PRDM13: variants seen among roughly 807,000 people sequenced by gnomAD.
PRDM13 encodes PR domain zinc finger protein 13.
In PRDM13, 15 loss-of-function variants were observed where a neutral mutation model predicts 36.4. The observed-to-expected ratio is 0.41, with a 90% CI of 0.28 to 0.64. PRDM13 has a LOEUF of 0.64. Ranked by LOEUF, PRDM13 falls within the 30% of genes least tolerant of loss-of-function variation. The pLI is 0.29. For missense variants in PRDM13, 1,044 were observed against 1,013.5 expected (o/e 1.03, Z -0.41); for synonymous variants, 531 against 467.7 (o/e 1.14, Z -1.75).
Position 99,613,897 on chromosome 6 carries a change from C to A in PRDM13, c.1262C>A (p.Ala421Glu). 1 of 1,565,168 alleles carries A rather than the reference C, an allele frequency of 6.4e-7. No homozygotes were observed. Among genetic ancestry groups the A allele is most frequent in the Non-Finnish European group, 8.6e-7 (1 of 1,163,542 alleles). ...AAAALPGARY[A>E]QLPPAPGLPL... is the part of the protein sequence containing the mutation. ...GCCGCGCTGCCAGGAGCGCGTTATGCGCAGCTGCCCCCTGCGCCGGGGTTG... is the reference window on the plus strand; with the variant it reads ...GCCGCGCTGCCAGGAGCGCGTTATGAGCAGCTGCCCCCTGCGCCGGGGTTG... Residue 421 changes from alanine to glutamate, a missense_variant, in exon 4 of 4, where the codon GCG (alanine) becomes GAG (glutamate). This residue lies in a region of PRDM13 where 921 missense variants were observed against 865.2 expected (regional missense o/e 1.06). Coordinates refer to ENST00000369215, the MANE Select transcript of PRDM13 (RefSeq NM_021620.4). The surrounding 1 kb of genome is among the most constrained non-coding windows in gnomAD (Gnocchi z 6.1).
chr6:99,608,694 G>T (rs1769988094), intron 1 of PRDM13, 47 bp from the exon 2 acceptor site: 1 of 1,556,000 alleles, frequency 6.4e-7, no homozygotes, highest in Non-Finnish European at 8.7e-7. Flanking sequence ...TTTGGGTTGT[G>T]GGCCTGGCCA....
At position 99,609,065 on chromosome 6, in the gene PRDM13, G is replaced by A. The variant is rs1769994848; in HGVS notation, c.277-122G>A. ...GGATGACGGAAGTGAGGTTCAGAGA[G>A]CTCCAGTAGCTTCTCCAGGGTCACA... On this transcript the variant is annotated intron_variant, in intron 2 of 3. Coordinates refer to ENST00000369215, the MANE Select transcript of PRDM13 (RefSeq NM_021620.4). The A allele has an allele frequency of 3.5e-6, 5 of 1,409,442 alleles. No homozygotes were observed. In the African/African-American group the frequency reaches 5.8e-5, roughly 16 times the overall value. 87.3% of individuals were successfully genotyped at this position (1,409,442 alleles called of 1,614,324 possible). A position where few individuals can be genotyped will look rare whatever the true frequency, so the allele number is the denominator to read the frequency against.
chr6:99,609,128 T>G, intron 2 of PRDM13, 59 bp from the exon 3 acceptor site: 1 of 1,586,566 alleles, frequency 6.3e-7, no homozygotes, highest in Non-Finnish European at 8.6e-7. Context: ...TCTTCTCAGT[T>G]GCTTTTTGAC....
intron 1 of PRDM13, among the ~76,000 whole-genome samples, chr6:99,608,330 T>G (rs1769981089): frequency 6.6e-6 from 1 of 152,110 alleles, no homozygotes; most frequent in Admixed American, 6.5e-5. Context: ...ATTTTTTTGT[T>G]TGTTTGTCGG....
At chr6:99,612,889 A>G in intron 3 of PRDM13, 144 bp from the exon 4 acceptor site, 2 of 1,450,940 alleles carry the variant, frequency 1.4e-6, no homozygotes, top group Non-Finnish European at 1.8e-6. Flanking sequence ...GGTCCTCGAT[A>G]CAGTAGGGCT....
At position 99,608,863 on chromosome 6, in the gene PRDM13, C is replaced by T. The variant is rs1769991448; in HGVS notation, c.267C>T (p.Pro89=). ...CTCTGGAAGCTATTGCAGACTTACC[C>T]GGAGGACAGGTACTGCGGGCTTCTC... ...EQTLEAIADL[P]GGQIFYRALR... is the part of the protein sequence containing the mutation. Residue 89 remains proline (P), a synonymous_variant, in exon 2 of 4, where the codon CCC becomes CCT. Transcript: ENST00000369215. 2 of 1,612,704 alleles carry T rather than the reference C, an allele frequency of 1.2e-6. No homozygotes were observed. The highest frequency in any genetic ancestry group is 1.1e-5 in the South Asian group (1 of 90,864).
intron 1 of PRDM13, 116 bp from the exon 2 acceptor site, chr6:99,608,625 G>C: frequency 7.0e-7 from 1 of 1,422,132 alleles, no homozygotes; most frequent in Non-Finnish European, 9.4e-7. Flanking sequence ...ATAGTGGTCT[G>C]GCCAAACCAA....
At position 99,609,293 on chromosome 6, in the gene PRDM13, C is replaced by G. The variant is rs1371934683; in HGVS notation, c.383C>G (p.Thr128Ser). 1 of 1,614,122 alleles carries G rather than the reference C, an allele frequency of 6.2e-7. No homozygotes were observed. The part of the protein sequence containing the change: ...WFDIPTTATP[T>S]HDEKGEERYI... ...GACATCCCCACCACAGCGACTCCGACTCACGACGAGAAAGGTACCCATTCC... is the reference window on the plus strand; with the variant it reads ...GACATCCCCACCACAGCGACTCCGAGTCACGACGAGAAAGGTACCCATTCC... The change falls in exon 3 of 4, where the codon ACT becomes AGT. Residue 128 changes from threonine (T) to serine (S), a missense_variant. Physicochemically the swap from Thr to Ser is moderately conservative, Grantham distance 58. This residue lies in a region of PRDM13 where 921 missense variants were observed against 865.2 expected (regional missense o/e 1.06). Coordinates refer to ENST00000369215, the MANE Select transcript of PRDM13 (RefSeq NM_021620.4).
chr6:99,610,849 C>T (rs12194350), intron 3 of PRDM13, among the ~76,000 whole-genome samples: 20,740 of 152,194 alleles, frequency 0.14, 1,493 homozygotes, highest in Middle Eastern at 0.18. Context: ...AGTACAAAAG[C>T]AACTGGAATA....
intron 3 of PRDM13, among the ~76,000 whole-genome samples, chr6:99,609,516 A>G (rs991572062): frequency 1.3e-5 from 2 of 152,168 alleles, no homozygotes; most frequent in African/African-American, 2.4e-5. Context: ...ATGGCAGGGG[A>G]AAAAGTAGGC....
Position 99,614,675 on chromosome 6 carries a change from GAGCGACGAC to G in PRDM13, c.2043_2051del (p.Asp683_Asp685del). Reference sequence around the variant, plus strand: ...ATCCCCCGGAGCCTGGGGATCCCAAGAGCGACGACAGTGACGTGGACGTCTGCTTCACAG... The same window carrying G: ...ATCCCCCGGAGCCTGGGGATCCCAAGAGTGACGTGGACGTCTGCTTCACAG... On this transcript the variant is annotated inframe_deletion, in exon 4 of 4. Coordinates refer to ENST00000369215, the MANE Select transcript of PRDM13 (RefSeq NM_021620.4). The G allele has an allele frequency of 6.2e-7, 1 of 1,611,678 alleles. No individual in the cohort carries two copies. Among genetic ancestry groups the G allele is most frequent in the Admixed American group, 1.7e-5 (1 of 59,948 alleles).
chr6:99,614,711 C>T lies in PRDM13; in HGVS notation c.2076C>T (p.Asp692=). ...GTGACGTGGACGTCTGCTTCACAGACGACCAGAGCGACCCCGAGGTTGGGG... is the reference window on the plus strand; with the variant it reads ...GTGACGTGGACGTCTGCTTCACAGATGACCAGAGCGACCCCGAGGTTGGGG... ...DDSDVDVCFT[D]DQSDPEVGGG... The change falls in exon 4 of 4, where the codon GAC becomes GAT. Residue 692 remains aspartate, a synonymous_variant. Coordinates refer to ENST00000369215, the MANE Select transcript of PRDM13 (RefSeq NM_021620.4). The T allele has an allele frequency of 6.3e-7, 1 of 1,597,572 alleles. No individual in the cohort carries two copies. Among genetic ancestry groups the T allele is most frequent in the Non-Finnish European group, 8.5e-7 (1 of 1,171,912 alleles).
In PRDM13 at chr6:99,614,001, C is replaced by T. The variant is rs1770085617; in HGVS notation, c.1366C>T (p.Pro456Ser). The T allele has an allele frequency of 1.2e-6, 2 of 1,609,748 alleles. No individual in the cohort carries two copies. Among genetic ancestry groups the T allele is most frequent in the African/African-American group, 2.7e-5 (2 of 74,470 alleles). ...AYPGGECSHL[P>S]AVMPAFTVYN... ...TCCGGGTGGTGAGTGCAGCCACCTG[C>T]CCGCCGTCATGCCGGCCTTTACAGT... The change falls in exon 4 of 4, where the codon CCC (proline) becomes TCC (serine). Residue 456 changes from proline (P) to serine (S), a missense_variant. Around this residue, in one of 3 missense-constraint regions of PRDM13, gnomAD observed 921 missense variants for 865.2 expected, o/e 1.06. Transcript: ENST00000369215.
Position 99,608,853 on chromosome 6 carries a change from C to A in PRDM13, c.257C>A (p.Ala86Glu). 6.2e-7 allele frequency: 1 copy of A among 1,613,520 alleles called. No individual in the cohort carries two copies. Among genetic ancestry groups the A allele is most frequent in the Non-Finnish European group, 8.5e-7 (1 of 1,179,756 alleles). ...NSQEQTLEAI[A>E]DLPGGQIFYR... Reference sequence around the variant, plus strand: ...CAGGAACAGACTCTGGAAGCTATTGCAGACTTACCCGGAGGACAGGTACTG... The same window carrying A: ...CAGGAACAGACTCTGGAAGCTATTGAAGACTTACCCGGAGGACAGGTACTG... Residue 86 changes from alanine (A) to glutamate (E), a missense_variant, in exon 2 of 4, where the codon GCA becomes GAA. Transcript: ENST00000369215.
At chr6:99,612,229 G>C (rs895366148) in intron 3 of PRDM13, among the ~76,000 whole-genome samples, 116 of 152,214 alleles carry the variant, frequency 7.6e-4, no homozygotes, top group African/African-American at 2.7e-3. Context: ...CTATCTAGGA[G>C]TTAATTAATT....
rs766108174 is a variant in PRDM13 at position 99,614,802 on chromosome 6, C to A, written c.*43C>A. ...GGGCGGGGTGAGGACAGAGAGGAGT[C>A]GAGGGTTTATTCTCGCAGTAGAGGA... is the stretch of plus-strand genomic sequence containing the variant. On this transcript the variant is annotated 3_prime_UTR_variant, in exon 4 of 4. Transcript: ENST00000369215. The A allele has an allele frequency of 2.0e-6, 3 of 1,520,482 alleles. No homozygotes were observed. Among genetic ancestry groups the A allele is most frequent in the African/African-American group, 2.8e-5 (2 of 71,726 alleles). The allele number at this position is 1,520,482 out of a possible 1,614,324, so 94.2% of individuals were successfully genotyped here.
chr6:99,611,498 C>G (rs1176685375), intron 3 of PRDM13, among the ~76,000 whole-genome samples: 1 of 152,036 alleles, frequency 6.6e-6, no homozygotes, highest in Non-Finnish European at 1.5e-5. Context: ...ATGGTTTTAT[C>G]TAAGACTTCT....
Position 99,614,682 on chromosome 6 carries a change from G to C in PRDM13, c.2047G>C (p.Asp683His). 1 of 1,611,016 alleles carries C rather than the reference G, an allele frequency of 6.2e-7. No individual in the cohort carries two copies. Among genetic ancestry groups the C allele is most frequent in the South Asian group, 1.1e-5 (1 of 90,960 alleles). ...PPEPGDPKSD[D>H]SDVDVCFTDD... ...GGAGCCTGGGGATCCCAAGAGCGACGACAGTGACGTGGACGTCTGCTTCAC... is the reference window on the plus strand; with the variant it reads ...GGAGCCTGGGGATCCCAAGAGCGACCACAGTGACGTGGACGTCTGCTTCAC... Residue 683 changes from aspartate (D) to histidine (H), a missense_variant, in exon 4 of 4, where the codon GAC (aspartate) becomes CAC (histidine). Transcript: ENST00000369215.
intron 2 of PRDM13, 106 bp downstream of exon 2, chr6:99,608,978 G>GACATTTAA: frequency 6.8e-7 from 1 of 1,466,888 alleles, no homozygotes; most frequent in Non-Finnish European, 9.2e-7. Context: ...ACTTTAGCTA[G>GACATTTAA]ACGTCTCATT....
Sources: allele counts gnomAD v4.1 joint callset (sites outside exome capture counted in the v4.1 genomes callset), GRCh38; gene constraint gnomAD v4.1.1; regional missense constraint gnomAD v4.1.1; non-coding constraint Gnocchi (gnomAD v3.1); transcripts MANE v1.5; gene names NCBI Gene and HGNC (gene_info 2026-07-23, HGNC 2026-07-21).